The following RFC1 variants were observed in gnomAD, a reference collection of about 807,000 sequenced individuals.
RFC1 encodes replication factor C subunit 1.
A neutral mutation model predicts 137.4 loss-of-function variants in RFC1; 37 were observed. The observed-to-expected ratio is 0.27, with a 90% CI of 0.21 to 0.35. RFC1 has a LOEUF of 0.35. Among genes scored for constraint, RFC1 ranks in the 10% least tolerant of loss-of-function variants. The pLI, the probability that RFC1 is intolerant of heterozygous loss-of-function variation, is 1.00. For missense variants in RFC1, 1,205 were observed against 1,358.5 expected, an observed-to-expected ratio of 0.89 and a Z score of 1.78; for synonymous variants, 429 against 455.7, an observed-to-expected ratio of 0.94 and a Z score of 0.75.
chr4:39,350,300 AAGAG>A (rs1260992460), intron 2 of RFC1, among the ~76,000 whole-genome samples: 6 of 152,250 alleles, frequency 3.9e-5, no homozygotes, highest in South Asian at 2.1e-4. Flanking sequence ...TCAAGAAGAG[AAGAG>A]AGAGAATGAG....
chr4:39,321,094 C>T (rs577150454), intron 8 of RFC1, among the ~76,000 whole-genome samples, 193 bp downstream of exon 8: 1 of 152,320 alleles, frequency 6.6e-6, no homozygotes, highest in South Asian at 2.1e-4. Context: ...AATCATAGAG[C>T]AGATGGGCAT....
chr4:39,340,570 C>T (rs1740563825), intron 4 of RFC1, among the ~76,000 whole-genome samples: 2 of 152,058 alleles, frequency 1.3e-5, no homozygotes, highest in South Asian at 4.1e-4. Context: ...GAAAGCATTA[C>T]TTTAACGTCA....
rs1737511429 is a variant in RFC1 at position 39,288,857 on chromosome 4, A to T, written c.3361-13T>A. 3.9e-6 allele frequency: 6 copies of T among 1,526,806 alleles called. No homozygotes were observed. The highest frequency in any genetic ancestry group is 1.4e-5 in the African/African-American group (1 of 70,454). The allele number at this position is 1,526,806 out of a possible 1,614,324, so 94.6% of individuals were successfully genotyped here. ...ATTTTGTCTTTTTCTGTTAGGGGGA[A>T]GATAACAAAATAGTTAATAGCTGTG... On this transcript the variant is annotated splice_polypyrimidine_tract_variant and intron_variant, in intron 24 of 24. Transcript: ENST00000349703.
At chr4:39,321,230 A>G (rs1739503900) in intron 8 of RFC1, 57 bp downstream of exon 8, 1 of 1,295,914 alleles carries the variant, frequency 7.7e-7, no homozygotes, top group South Asian at 1.2e-5. Context: ...CAAGATTATC[A>G]TGAATTTACT....
chr4:39,365,255 T>C (rs1741967962), intron 1 of RFC1, among the ~76,000 whole-genome samples: 1 of 151,244 alleles, frequency 6.6e-6, no homozygotes, highest in Non-Finnish European at 1.5e-5. Flanking sequence ...ACTGTTGCCC[T>C]TTTTTGAGAA....
chr4:39,314,772 G>C (rs769653483), intron 10 of RFC1, among the ~76,000 whole-genome samples: 16 of 151,956 alleles, frequency 1.1e-4, no homozygotes, highest in Non-Finnish European at 1.9e-4. Flanking sequence ...ATCTCTATAT[G>C]TACTTATATA....
intron 9 of RFC1, among the ~76,000 whole-genome samples, chr4:39,318,457 G>A (rs150841409): frequency 2.1e-3 from 324 of 152,264 alleles, no homozygotes; most frequent in African/African-American, 7.4e-3. Context: ...GGTAAACAGC[G>A]TATACAATAA....
chr4:39,305,828 C>G (rs1440952027), intron 14 of RFC1, among the ~76,000 whole-genome samples: 1 of 152,008 alleles, frequency 6.6e-6, no homozygotes, highest in Non-Finnish European at 1.5e-5. Flanking sequence ...GTTGTGTTCA[C>G]AACTGTAGGG....
At chr4:39,308,552 C>G in intron 13 of RFC1, 84 bp downstream of exon 13, 1 of 1,500,494 alleles carries the variant, frequency 6.7e-7, no homozygotes, top group South Asian at 1.3e-5. Context: ...ATGAATGAAT[C>G]GTTAGATTTT....
At chr4:39,318,382 C>T (rs1269363664) in intron 9 of RFC1, among the ~76,000 whole-genome samples, 1 of 152,122 alleles carries the variant, frequency 6.6e-6, no homozygotes, top group East Asian at 1.9e-4. Context: ...CAAGAGAGTC[C>T]AGTGCATACC....
At chr4:39,306,498 A>ACG in intron 14 of RFC1, 94 bp downstream of exon 14, 1 of 681,652 alleles carries the variant, frequency 1.5e-6, no homozygotes, top group Non-Finnish European at 2.7e-6. Flanking sequence ...CCACACACAC[A>ACG]CATGCACACG....
chr4:39,295,226 T>C (rs946437658), intron 22 of RFC1, among the ~76,000 whole-genome samples: 7 of 152,224 alleles, frequency 4.6e-5, no homozygotes, highest in African/African-American at 7.2e-5. Flanking sequence ...CTAGAGTAAA[T>C]TGGTAAAAAA....
Position 39,287,647 on chromosome 4 carries a change from C to T in RFC1, c.*1114G>A, listed in dbSNP as rs899890667. ...TAGTATATACCTCACAGAGGTAGCA[C>T]AGACCTCTGAGCATTTACCAACAAG... On this transcript the variant is annotated 3_prime_UTR_variant, in exon 25 of 25. Transcript: ENST00000349703. The T allele has an allele frequency of 1.3e-5, 2 of 152,198 alleles. No individual in the cohort carries two copies. The highest frequency in any genetic ancestry group is 4.8e-5 in the African/African-American group (2 of 41,442). 9.4% of individuals were successfully genotyped at this position (152,198 alleles called of 1,614,324 possible). A position where few individuals can be genotyped will look rare whatever the true frequency, so the allele number is the denominator to read the frequency against.
At chr4:39,327,875 T>A in intron 4 of RFC1, 119 bp from the exon 5 acceptor site, 1 of 761,538 alleles carries the variant, frequency 1.3e-6, no homozygotes, top group Non-Finnish European at 2.1e-6. Flanking sequence ...CTCATGCTTG[T>A]AATCCCAGCA....
intron 1 of RFC1, among the ~76,000 whole-genome samples, chr4:39,351,679 C>T (rs924031848): frequency 2.6e-5 from 4 of 151,990 alleles, no homozygotes; most frequent in Non-Finnish European, 5.9e-5. Context: ...AATAATTTGT[C>T]GGCCAGGCGC....
chr4:39,331,057 T>C (rs989920116), intron 4 of RFC1, among the ~76,000 whole-genome samples: 13 of 152,292 alleles, frequency 8.5e-5, no homozygotes, highest in Non-Finnish European at 1.0e-4. Context: ...ATAATAGTCC[T>C]AGTAACTAAC....
At chr4:39,316,828 C>T in intron 10 of RFC1, 87 bp downstream of exon 10, 1 of 739,340 alleles carries the variant, frequency 1.4e-6, no homozygotes, top group South Asian at 1.8e-5. Flanking sequence ...ATTATTAATC[C>T]TCTGCTGCTA....
intron 13 of RFC1, 76 bp from the exon 14 acceptor site, chr4:39,306,777 T>C: frequency 2.5e-6 from 2 of 807,896 alleles, no homozygotes; most frequent in Non-Finnish European, 4.3e-6. Flanking sequence ...GAAATAGTTA[T>C]GCCTAAACTT....
chr4:39,323,458 TC>T (rs1324713887), intron 6 of RFC1, 41 bp from the exon 7 acceptor site: 1 of 1,532,466 alleles, frequency 6.5e-7, no homozygotes. Flanking sequence ...TTGCTCTTTT[TC>T]TTTTCGTAAA....
Sources: gnomAD v4.1 joint callset for allele counts (sites outside exome capture counted in the v4.1 genomes callset) on GRCh38, gnomAD v4.1.1 for gene constraint, MANE v1.5 for transcripts, NCBI Gene and HGNC (gene_info 2026-07-23, HGNC 2026-07-21) for gene names.